The following RIMS2 variants were observed in gnomAD, a reference collection of about 807,000 sequenced individuals.
The protein encoded by RIMS2 is regulating synaptic membrane exocytosis protein 2.
Under a neutral mutation model 174.4 loss-of-function variants are expected in RIMS2, and 59 were observed. The observed-to-expected ratio is 0.34, with a 90% CI of 0.27 to 0.42. RIMS2 has a LOEUF of 0.42. Ranked by LOEUF, RIMS2 falls within the 10% of genes least tolerant of loss-of-function variation. The pLI, the probability that RIMS2 is intolerant of heterozygous loss-of-function variation, is 1.00. For missense variants in RIMS2, 1,620 were observed against 1,666.3 expected, an observed-to-expected ratio of 0.97 and a Z score of 0.48; for synonymous variants, 606 against 572.5, an observed-to-expected ratio of 1.06 and a Z score of -0.84.
rs1229068278 is a variant in RIMS2 at position 103,652,195 on chromosome 8, A to T, written c.177-44891A>T. On this transcript the variant is annotated intron_variant, in intron 1 of 23. Coordinates refer to ENST00000504942, the Ensembl canonical transcript of RIMS2. ...ACAGTGCACTCAGTTGTGCAAACTT[A>T]TCTTTTTAGGGTCAAAGAAGAACAC... 1.5e-6 allele frequency: 2 copies of T among 1,343,248 alleles called. No individual in the cohort carries two copies. The highest frequency in any genetic ancestry group is 3.0e-5 in the African/African-American group (2 of 67,574). The allele number at this position is 1,343,248 out of a possible 1,614,324, so 83.2% of individuals were successfully genotyped here. A position where few individuals can be genotyped will look rare whatever the true frequency, so the allele number is the denominator to read the frequency against.
chr8:104,169,304 C>CTA (rs751636552), intron 19 of RIMS2, among the ~76,000 whole-genome samples: 1,346 of 87,334 alleles, frequency 0.015, 12 homozygotes, highest in Non-Finnish European at 0.019. Context: ...TTGTTGTTGG[C>CTA]TATATATATA....
rs534574314 is a variant in RIMS2 at position 103,692,925 on chromosome 8, G to A, written c.177-4161G>A. Among the ~76,000 whole-genome samples the A allele has an allele frequency of 3.5e-4, 54 of 152,310 alleles. No homozygotes were observed. The South Asian group carries it at 0.011, about 32-fold the overall frequency. On this transcript the variant is annotated intron_variant, in intron 1 of 23. Coordinates refer to ENST00000504942, the Ensembl canonical transcript of RIMS2. ...TGCTCCCCTCATCCACTGGCTTTGA[G>A]CCCAGCACAGAATCAGGAATTGCCC...
In RIMS2 at chr8:104,057,789, A is replaced by G. The variant is rs867355359; in HGVS notation, c.3334+43174A>G. On this transcript the variant is annotated intron_variant, in intron 19 of 23. Coordinates refer to ENST00000504942, the Ensembl canonical transcript of RIMS2. ...TGTGTCCATGTGTTCTCATTGTTCA[A>G]TTCCCACCTATGAGTGAGAACATAC... Among the ~76,000 whole-genome samples, 32 of 134,848 alleles carry G rather than the reference A, an allele frequency of 2.4e-4. 1 individual carries two copies. Among genetic ancestry groups the G allele is most frequent in the Non-Finnish European group, 4.3e-4 (28 of 65,554 alleles). 88.5% of individuals were successfully genotyped at this position (134,848 alleles called of 152,430 possible).
At chr8:103,988,084 C>T (rs187254147) in intron 16 of RIMS2, among the ~76,000 whole-genome samples, 27 of 152,182 alleles carry the variant, frequency 1.8e-4, no homozygotes, top group African/African-American at 6.5e-4. Context: ...AGGATAAAGA[C>T]ATACCAATAA....
At chr8:103,792,061 C>T (rs2098504291) in intron 3 of RIMS2, among the ~76,000 whole-genome samples, 1 of 152,128 alleles carries the variant, frequency 6.6e-6, no homozygotes, top group Non-Finnish European at 1.5e-5. Context: ...CAGCTCTGCA[C>T]CAAGCGGACT....
At chr8:103,834,751 T>C in intron 3 of RIMS2, among the ~76,000 whole-genome samples, 1 of 150,616 alleles carries the variant, frequency 6.6e-6, no homozygotes, top group African/African-American at 2.5e-5. Flanking sequence ...TTTCTCTCTC[T>C]TTCTTTTTCT....
intron 3 of RIMS2, among the ~76,000 whole-genome samples, chr8:103,860,698 A>G (rs974546682): frequency 1.3e-5 from 2 of 152,148 alleles, no homozygotes; most frequent in African/African-American, 4.8e-5. Flanking sequence ...GTGGGAAAAT[A>G]TGACAAATTT....
intron 19 of RIMS2, among the ~76,000 whole-genome samples, chr8:104,241,073 G>A (rs1226397874): frequency 6.6e-6 from 1 of 152,084 alleles, no homozygotes; most frequent in African/African-American, 2.4e-5. Context: ...TGATCCCAGG[G>A]CCTGACTCCT....
rs1229731541 is a variant in RIMS2 at position 103,924,603 on chromosome 8, G to A, written c.2196+2819G>A. Among the ~76,000 whole-genome samples, 8 of 151,444 alleles carry A rather than the reference G, an allele frequency of 5.3e-5. No individual in the cohort carries two copies. The East Asian group carries it at 1.5e-3, about 29-fold the overall frequency. Reference sequence around the variant, plus strand: ...TTGCTTTTGGTTAGTTTTTACTTGGGCCCATACTTCACTTACAAAATTATG... The same window carrying A: ...TTGCTTTTGGTTAGTTTTTACTTGGACCCATACTTCACTTACAAAATTATG... On this transcript the variant is annotated intron_variant, in intron 10 of 23. Coordinates refer to ENST00000504942, the Ensembl canonical transcript of RIMS2.
intron 14 of RIMS2, among the ~76,000 whole-genome samples, chr8:103,944,213 G>A (rs2083193706): frequency 1.3e-5 from 2 of 151,970 alleles, no homozygotes. Context: ...TCCCCACATA[G>A]TAAACACCCA....
intron 3 of RIMS2, among the ~76,000 whole-genome samples, chr8:103,822,295 A>T (rs1182642329): frequency 6.6e-6 from 1 of 151,812 alleles, no homozygotes; most frequent in Non-Finnish European, 1.5e-5. Flanking sequence ...ATGGTGAGGC[A>T]GTTGACTTCT....
chr8:103,557,048 G>T (rs2090620468), intron 1 of RIMS2, among the ~76,000 whole-genome samples: 1 of 152,104 alleles, frequency 6.6e-6, no homozygotes. Flanking sequence ...TAGGATCAGT[G>T]GTTTAGGAAA....
At chr8:103,506,223 T>G (rs1206830973) in intron 1 of RIMS2, among the ~76,000 whole-genome samples, 1 of 151,984 alleles carries the variant, frequency 6.6e-6, no homozygotes, top group Non-Finnish European at 1.5e-5. Flanking sequence ...AAAATTGACT[T>G]ATATTTTATG....
rs145060428 is a variant in RIMS2, at chr8:103,674,120, G to A, written c.177-22966G>A. On this transcript the variant is annotated intron_variant, in intron 1 of 23. Coordinates refer to ENST00000504942, the Ensembl canonical transcript of RIMS2. Reference sequence around the variant, plus strand: ...GACATTTGTTCCAGCTCCCAGTAAGGTTCTCATTTCCATCTGAGACCTTGC... The same window carrying A: ...GACATTTGTTCCAGCTCCCAGTAAGATTCTCATTTCCATCTGAGACCTTGC... Among the ~76,000 whole-genome samples, 7 of 152,282 alleles carry A rather than the reference G, an allele frequency of 4.6e-5. No homozygotes were observed. In the South Asian group the frequency reaches 1.5e-3, roughly 32 times the overall value.
intron 1 of RIMS2, among the ~76,000 whole-genome samples, chr8:103,662,231 G>A (rs1301032558): frequency 6.6e-6 from 1 of 152,192 alleles, no homozygotes; most frequent in African/African-American, 2.4e-5. Context: ...GACAGAAGAT[G>A]TTTTTGTGTA....
intron 3 of RIMS2, among the ~76,000 whole-genome samples, chr8:103,809,264 A>ATT (rs1306035358): frequency 7.1e-6 from 1 of 140,042 alleles, no homozygotes; most frequent in Admixed American, 7.2e-5. Context: ...TCTTGAATCT[A>ATT]TTTTTTTTTT....
At chr8:103,953,667 T>C (rs1189278802) in intron 14 of RIMS2, among the ~76,000 whole-genome samples, 1 of 152,026 alleles carries the variant, frequency 6.6e-6, no homozygotes, top group East Asian at 1.9e-4. Flanking sequence ...GTAAAGACCA[T>C]CGACATTATG....
chr8:103,998,134 TCA>T, intron 17 of RIMS2: 2 of 1,328,144 alleles, frequency 1.5e-6, no homozygotes, highest in Admixed American at 3.9e-5. Context: ...TACTTTTTTT[TCA>T]CTTCTTTCTT....
intron 19 of RIMS2, among the ~76,000 whole-genome samples, chr8:104,195,767 C>T (rs980817215): frequency 6.6e-6 from 1 of 152,150 alleles, no homozygotes; most frequent in Admixed American, 6.5e-5. Context: ...CCCACCTCAA[C>T]CTCCCAAAGT....
Sources: allele counts gnomAD v4.1 joint callset (sites outside exome capture counted in the v4.1 genomes callset), GRCh38; gene constraint gnomAD v4.1.1; transcripts MANE v1.5; gene names NCBI Gene and HGNC (gene_info 2026-07-23, HGNC 2026-07-21).